Variants in ATL3 observed in about 807,000 individuals in gnomAD.
ATL3 encodes the protein atlastin GTPase 3, also known as atlastin-3.
Under a neutral mutation model 69.5 loss-of-function variants are expected in ATL3, and 49 were observed. That is an observed-to-expected ratio of 0.71 (90% confidence interval 0.56 to 0.89). The LOEUF is 0.89. ATL3 is among the 40% of genes least tolerant of loss of function. ATL3 has a pLI of 0.00. For synonymous variants in ATL3, 214 were observed against 224.1 expected (o/e 0.95, Z 0.40); for missense variants, 606 against 645.7 (o/e 0.94, Z 0.67).
At chr11:63,635,960 A>G (rs1939501824) in intron 9 of ATL3, among the ~76,000 whole-genome samples, 2 of 149,294 alleles carry the variant, frequency 1.3e-5, no homozygotes, top group Admixed American at 1.4e-4. Context: ...TTCCTTGAGG[A>G]ACAATCTTCC....
At chr11:63,652,317 T>C (rs376587428) in intron 4 of ATL3, among the ~76,000 whole-genome samples, 154 bp downstream of exon 4, 2 of 152,224 alleles carry the variant, frequency 1.3e-5, no homozygotes, top group South Asian at 4.1e-4. Context: ...TGGCTCCTTC[T>C]CAAACTTTTA....
intron 5 of ATL3, among the ~76,000 whole-genome samples, chr11:63,649,960 TC>T (rs1940019599): frequency 6.6e-6 from 1 of 152,188 alleles, no homozygotes; most frequent in African/African-American, 2.4e-5. Flanking sequence ...ATCTATTTTT[TC>T]CTGAAACAAT....
At chr11:63,643,531 T>C in intron 7 of ATL3, 36 bp from the exon 8 acceptor site, 1 of 1,582,742 alleles carries the variant, frequency 6.3e-7, no homozygotes. Flanking sequence ...CAACCAAAAG[T>C]CATTTGGTTT....
At chr11:63,649,679 T>C (rs573875256) in intron 5 of ATL3, among the ~76,000 whole-genome samples, 3 of 151,344 alleles carry the variant, frequency 2.0e-5, no homozygotes, top group African/African-American at 7.3e-5. Flanking sequence ...TTACAGGCAT[T>C]TGCCACCGCA....
At chr11:63,644,787 T>C (rs983029015) in intron 6 of ATL3, among the ~76,000 whole-genome samples, 2 of 152,242 alleles carry the variant, frequency 1.3e-5, no homozygotes, top group African/African-American at 4.8e-5. Flanking sequence ...CTGCTATTTT[T>C]GTTCCCACAG....
chr11:63,655,142 C>A (rs1189551629), intron 3 of ATL3, among the ~76,000 whole-genome samples: 1 of 151,976 alleles, frequency 6.6e-6, no homozygotes, highest in African/African-American at 2.4e-5. Flanking sequence ...TTTTTCTGTT[C>A]TTGCTGTTTA....
chr11:63,658,234 G>A (rs1446991330), intron 3 of ATL3, among the ~76,000 whole-genome samples: 2 of 152,128 alleles, frequency 1.3e-5, no homozygotes, highest in Non-Finnish European at 2.9e-5. Context: ...AAAAAGCTAT[G>A]TGTTTTTTAA....
intron 8 of ATL3, among the ~76,000 whole-genome samples, chr11:63,638,207 G>C (rs1939582288): frequency 6.6e-6 from 1 of 152,022 alleles, no homozygotes; most frequent in South Asian, 2.1e-4. Flanking sequence ...GAATAGACAA[G>C]AACTATCTCA....
chr11:63,654,420 C>A (rs569921101), intron 3 of ATL3, among the ~76,000 whole-genome samples: 1 of 151,728 alleles, frequency 6.6e-6, no homozygotes, highest in Non-Finnish European at 1.5e-5. Flanking sequence ...GCTGGGATTA[C>A]GGAGTTTCAC....
At chr11:63,651,901 AATATG>A in intron 5 of ATL3, 30 bp downstream of exon 5, 1 of 1,570,452 alleles carries the variant, frequency 6.4e-7, no homozygotes, top group Non-Finnish European at 8.6e-7. Context: ...ACTTTTAAAT[AATATG>A]ATGTTAAAAT....
chr11:63,645,611 G>A (rs894767224), intron 6 of ATL3, among the ~76,000 whole-genome samples: 37 of 151,890 alleles, frequency 2.4e-4, no homozygotes, highest in African/African-American at 9.0e-4. Flanking sequence ...TGTTTGTGTT[G>A]AGACGGTCTT....
chr11:63,656,682 C>T (rs1246042653), intron 3 of ATL3, among the ~76,000 whole-genome samples: 6 of 148,904 alleles, frequency 4.0e-5, no homozygotes, highest in African/African-American at 1.0e-4. Context: ...TGAAGTGAGC[C>T]GAGATCGCAC....
At chr11:63,667,015 G>A in intron 1 of ATL3, among the ~76,000 whole-genome samples, 1 of 152,330 alleles carries the variant, frequency 6.6e-6, no homozygotes, top group East Asian at 1.9e-4. Flanking sequence ...TAAGTCTTAA[G>A]ATTGCAACGC....
intron 3 of ATL3, among the ~76,000 whole-genome samples, chr11:63,654,776 A>T (rs946755314): frequency 1.4e-5 from 2 of 143,140 alleles, no homozygotes; most frequent in African/African-American, 5.2e-5. Context: ...GGCTCACCAC[A>T]ACCTCCACCT....
intron 7 of ATL3, 82 bp downstream of exon 7, chr11:63,644,087 C>T (rs1939786924): frequency 1.1e-6 from 1 of 883,864 alleles, no homozygotes; most frequent in African/African-American, 1.7e-5. Context: ...TCAATAATTG[C>T]TTTAAACACA....
intron 3 of ATL3, 25 bp from the exon 4 acceptor site, chr11:63,652,600 A>G (rs1940114429): frequency 6.5e-7 from 1 of 1,535,918 alleles, no homozygotes; most frequent in Admixed American, 1.8e-5. Context: ...AATACAAACA[A>G]AAGAGATTAA....
intron 6 of ATL3, among the ~76,000 whole-genome samples, chr11:63,644,892 G>A (rs896229589): frequency 2.0e-5 from 3 of 152,140 alleles, no homozygotes; most frequent in Non-Finnish European, 2.9e-5. Flanking sequence ...AAGGACAAAA[G>A]AGAAAACCAC....
chr11:63,631,333 C>T lies in ATL3; in HGVS notation c.1246G>A (p.Glu416Lys). The part of the protein sequence containing the change: ...GKDFSFRYQQ[E>K]LEEEIKELYE... ...AATTCCTTGATTTCCTCCTCCAGCT[C>T]CTGCTGGTAACGAAAGCTGAAATCC... is the stretch of plus-strand genomic sequence containing the variant. Residue 416 changes from glutamate to lysine, a missense_variant, in exon 12 of 13, where the codon GAG becomes AAG. Physicochemically the swap from Glu to Lys is moderately conservative, Grantham distance 56 (BLOSUM62 1). Coordinates refer to ENST00000398868, the MANE Select transcript of ATL3 (RefSeq NM_015459.5). The T allele has an allele frequency of 6.2e-7, 1 of 1,614,230 alleles. No homozygotes were observed.
rs371720688 is a variant in ATL3 at position 63,637,032 on chromosome 11, A to G, written c.851-698T>C. Among the ~76,000 whole-genome samples, 112 of 152,254 alleles carry G rather than the reference A, an allele frequency of 7.4e-4. 1 individual carries two copies. In the South Asian group the frequency reaches 0.022, roughly 30 times the overall value. Reference sequence around the variant, plus strand: ...GGTGGCTCACGCCTGTAATCCCAGCACTTTGGGAGGTCAAGGCGGGTGGAT... The same window carrying G: ...GGTGGCTCACGCCTGTAATCCCAGCGCTTTGGGAGGTCAAGGCGGGTGGAT... On this transcript the variant is annotated intron_variant, in intron 8 of 12. Transcript: ENST00000398868.
Sources: gnomAD v4.1 joint callset for allele counts (sites outside exome capture counted in the v4.1 genomes callset) on GRCh38, gnomAD v4.1.1 for gene constraint, MANE v1.5 for transcripts, NCBI Gene and HGNC (gene_info 2026-07-23, HGNC 2026-07-21) for gene names.